Variants in TRPV2 observed in about 807,000 individuals in gnomAD.
The protein encoded by TRPV2 is OTRPC2.
A neutral mutation model predicts 91.0 loss-of-function variants in TRPV2; 58 were observed. The observed-to-expected ratio is 0.64, with a 90% confidence interval of 0.52 to 0.79. TRPV2 has a LOEUF of 0.79. TRPV2 is among the 30% of genes least tolerant of loss of function. The pLI is 0.00. For synonymous variants in TRPV2, 417 were observed against 414.8 expected (o/e 1.01, Z -0.06); for missense variants, 807 against 969.6 (o/e 0.83, Z 2.23).
chr17:16,422,873 G>A lies in TRPV2; in HGVS notation c.609G>A (p.Gly203=), dbSNP rs1227582013. ...GCCGCTTCTTCCAGAAGGGCCAAGG[G>A]ACTTGCTTTTATTTCGGTGAGTGAG... The part of the protein sequence containing the change: ...ACGRFFQKGQ[G]TCFYFGELPL... The change falls in exon 4 of 15, where the codon GGG becomes GGA. Residue 203 remains glycine (G), a synonymous_variant. Transcript: ENST00000338560. 1 of 1,564,688 alleles carries A rather than the reference G, an allele frequency of 6.4e-7. No homozygotes were observed. Among genetic ancestry groups the A allele is most frequent in the African/African-American group, 1.4e-5 (1 of 73,678 alleles).
chr17:16,422,600 G>C lies in TRPV2; in HGVS notation c.336G>C (p.Glu112Asp), dbSNP rs1269239389. The C allele has an allele frequency of 6.2e-7, 1 of 1,612,154 alleles. No homozygotes were observed. Among genetic ancestry groups the C allele is most frequent in the Non-Finnish European group, 8.5e-7 (1 of 1,178,834 alleles). Residue 112 changes from glutamate to aspartate, a missense_variant and splice_region_variant, in exon 4 of 15, where the codon GAG (glutamate) becomes GAC (aspartate). Coordinates refer to ENST00000338560, the MANE Select transcript of TRPV2 (RefSeq NM_016113.5). Reference protein sequence around the residue: ...SKYLTDSEYTEGSTGKTCLMK... With the variant: ...SKYLTDSEYTDGSTGKTCLMK... ...CCTTCCCCTCCCTTCTTCCCACAGA[G>C]GGCTCCACAGGTAAGACGTGCCTGA...
intron 3 of TRPV2, among the ~76,000 whole-genome samples, chr17:16,421,900 C>G (rs969568152): frequency 6.6e-6 from 1 of 152,094 alleles, no homozygotes; most frequent in Non-Finnish European, 1.5e-5. Context: ...AGAGAGGCCA[C>G]GTGACTTGCC....
In TRPV2 at chr17:16,417,713, A is replaced by G; in HGVS notation, c.45A>G (p.Leu15=). 6.2e-7 allele frequency: 1 copy of G among 1,614,196 alleles called. No homozygotes were observed. The highest frequency in any genetic ancestry group is 2.2e-5 in the East Asian group (1 of 44,876). Residue 15 remains leucine (L), a synonymous_variant, in exon 2 of 15, where the codon TTA becomes TTG. Coordinates refer to ENST00000338560, the MANE Select transcript of TRPV2 (RefSeq NM_016113.5). The part of the protein sequence containing the change: ...SSSPVFRLET[L]DGGQEDGSEA... ...CTCCAGTTTTCAGGTTGGAGACATT[A>G]GATGGAGGCCAAGAAGATGGCTCTG... is the stretch of plus-strand genomic sequence containing the variant.
At chr17:16,424,063 C>G (rs2093371301) in intron 5 of TRPV2, among the ~76,000 whole-genome samples, 1 of 151,986 alleles carries the variant, frequency 6.6e-6, no homozygotes, top group Non-Finnish European at 1.5e-5. Context: ...GACCTCGGCT[C>G]ACCGCAACCT....
chr17:16,417,901 G>C, intron 2 of TRPV2, 33 bp downstream of exon 2: 1 of 1,597,260 alleles, frequency 6.3e-7, no homozygotes, highest in Non-Finnish European at 8.5e-7. Context: ...GGCAAAGGGG[G>C]CCCCCTGCCC....
intron 2 of TRPV2, among the ~76,000 whole-genome samples, chr17:16,419,668 A>C (rs989639487): frequency 6.6e-6 from 1 of 152,224 alleles, no homozygotes; most frequent in African/African-American, 2.4e-5. Flanking sequence ...GATTTTCTGC[A>C]TACTTTCTTT....
intron 13 of TRPV2, among the ~76,000 whole-genome samples, chr17:16,434,467 CAAAAAA>C (rs10634588): frequency 2.7e-5 from 3 of 109,764 alleles, no homozygotes; most frequent in Non-Finnish European, 5.3e-5. Flanking sequence ...GACTCCATCT[CAAAAAA>C]AAAAAAAAAA....
At position 16,426,124 on chromosome 17, in the gene TRPV2, A is replaced by T. The variant is rs776200844; in HGVS notation, c.950A>T (p.Glu317Val). 1 of 1,614,058 alleles carries T rather than the reference A, an allele frequency of 6.2e-7. No individual in the cohort carries two copies. The highest frequency in any genetic ancestry group is 8.5e-7 in the Non-Finnish European group (1 of 1,180,008). Residue 317 changes from glutamate (E) to valine (V), a missense_variant, in exon 6 of 15, where the codon GAG becomes GTG. By Grantham distance (121) the Glu-to-Val change is moderately radical. Coordinates refer to ENST00000338560, the MANE Select transcript of TRPV2 (RefSeq NM_016113.5). The surrounding 1 kb of genome is among the most constrained non-coding windows in gnomAD (Gnocchi z 6.0). The stretch of plus-strand genomic sequence containing the variant: ...ATTTTCAGGCACATCCTGCAGCGGG[A>T]GTTTTCAGGACTGAGCCACCTTTCC... ...IEIFRHILQREFSGLSHLSRK... is the reference protein window; with the variant it reads ...IEIFRHILQRVFSGLSHLSRK...
intron 2 of TRPV2, 117 bp downstream of exon 2, chr17:16,417,985 G>A (rs2142973511): frequency 9.5e-7 from 1 of 1,048,332 alleles, no homozygotes; most frequent in Non-Finnish European, 1.4e-6. Flanking sequence ...AGCCTGTGGA[G>A]TCCTCAGTCT....
chr17:16,436,328 A>C (rs1033901461), intron 14 of TRPV2, among the ~76,000 whole-genome samples: 1 of 152,102 alleles, frequency 6.6e-6, no homozygotes, highest in African/African-American at 2.4e-5. Context: ...TCAGGGCCCA[A>C]AGCTGTCTAA....
At chr17:16,427,974 G>A (rs1215525513) in intron 8 of TRPV2, among the ~76,000 whole-genome samples, 1 of 152,178 alleles carries the variant, frequency 6.6e-6, no homozygotes, top group Non-Finnish European at 1.5e-5. Flanking sequence ...CCAAGACATT[G>A]GGACCTCCGC....
In TRPV2 at chr17:16,431,799, C is replaced by T; in HGVS notation, c.1603C>T (p.Leu535=). ...VMIQKVILRD[L]LRFLLIYLVF... is the part of the protein sequence containing the mutation. The stretch of plus-strand genomic sequence containing the variant: ...TGTGTTCCAGGTCATCCTGCGGGAC[C>T]TGCTGCGCTTCCTTCTGATCTACTT... The change falls in exon 11 of 15, where the codon CTG becomes TTG. Residue 535 remains leucine, a synonymous_variant. Transcript: ENST00000338560. The T allele has an allele frequency of 6.2e-7, 1 of 1,614,162 alleles. No individual in the cohort carries two copies. Among genetic ancestry groups the T allele is most frequent in the Non-Finnish European group, 8.5e-7 (1 of 1,180,024 alleles).
chr17:16,434,956 G>T lies in TRPV2; in HGVS notation c.2181G>T (p.Gly727=), dbSNP rs1404142935. Residue 727 remains glycine (G), a synonymous_variant, in exon 14 of 15, where the codon GGG becomes GGT. Transcript: ENST00000338560. ...CTACGCTGTGTGAGGACCCGTCAGG[G>T]GCAGGTGTCCCTCGTGAGTAGCCTG... The part of the protein sequence containing the change: ...TLPTLCEDPS[G]AGVPRTLENP... 6.2e-7 allele frequency: 1 copy of T among 1,610,592 alleles called. No individual in the cohort carries two copies. The highest frequency in any genetic ancestry group is 2.2e-5 in the East Asian group (1 of 44,608).
chr17:16,431,216 T>A (rs1349730123), intron 10 of TRPV2, among the ~76,000 whole-genome samples: 1 of 141,658 alleles, frequency 7.1e-6, no homozygotes. Flanking sequence ...CATGCCCAGC[T>A]ACTGGAAAGT....
chr17:16,426,839 T>C lies in TRPV2; in HGVS notation c.1213T>C (p.Phe405Leu). ...FLCNLIYMFI[F>L]TAVAYHQPTL... ...GTGTAATCTGATCTACATGTTCATC[T>C]TCACCGCTGTTGCCTACCATCAGCC... The change falls in exon 7 of 15, where the codon TTC (phenylalanine) becomes CTC (leucine). Residue 405 changes from phenylalanine (F) to leucine (L), a missense_variant. Transcript: ENST00000338560. This position sits in a 1 kb window ranked among gnomAD's most constrained non-coding sequence, Gnocchi z 6.0. 2 of 1,613,874 alleles carry C rather than the reference T, an allele frequency of 1.2e-6. No individual in the cohort carries two copies. The highest frequency in any genetic ancestry group is 1.1e-5 in the South Asian group (1 of 91,066).
At chr17:16,420,942 A>C (rs577740636) in intron 3 of TRPV2, among the ~76,000 whole-genome samples, 1 of 152,252 alleles carries the variant, frequency 6.6e-6, no homozygotes, top group East Asian at 1.9e-4. Context: ...ATACATCAGT[A>C]TATATTTACA....
chr17:16,431,977 C>A lies in TRPV2; in HGVS notation c.1666C>A (p.Leu556Met). ...CCTTCATCCCATAGCCCTGGTGAGC[C>A]TGAGCCAGGAGGCTTGGCGCCCCGA... is the stretch of plus-strand genomic sequence containing the variant. ...LFGFAVALVSLSQEAWRPEAP... is the reference protein window; with the variant it reads ...LFGFAVALVSMSQEAWRPEAP... The change falls in exon 12 of 15, where the codon CTG becomes ATG. Residue 556 changes from leucine (L) to methionine (M), a missense_variant. By Grantham distance (15) the Leu-to-Met change is conservative (BLOSUM62 2). Transcript: ENST00000338560. 6.2e-7 allele frequency: 1 copy of A among 1,604,774 alleles called. No individual in the cohort carries two copies. Among genetic ancestry groups the A allele is most frequent in the Non-Finnish European group, 8.5e-7 (1 of 1,173,642 alleles).
At chr17:16,432,916 CTG>C (rs1234765212) in intron 12 of TRPV2, among the ~76,000 whole-genome samples, 1 of 152,040 alleles carries the variant, frequency 6.6e-6, no homozygotes, top group African/African-American at 2.4e-5. Flanking sequence ...AGCGATTCTC[CTG>C]CCTCAGCCTC....
Position 16,426,313 on chromosome 17 carries a change from G to C in TRPV2, c.1095+44G>C. On this transcript the variant is annotated intron_variant, in intron 6 of 14. Transcript: ENST00000338560. The surrounding 1 kb of genome is among the most constrained non-coding windows in gnomAD (Gnocchi z 6.0). ...GGGTGCACGCAGAGGACCCAGCAGA[G>C]TTTCCAGCAAGGTCCACAAATTGGG... is the stretch of plus-strand genomic sequence containing the variant. The C allele has an allele frequency of 6.2e-7, 1 of 1,604,680 alleles. No individual in the cohort carries two copies. The highest frequency in any genetic ancestry group is 1.8e-4 in the Middle Eastern group (1 of 5,552).
Sources: allele counts gnomAD v4.1 joint callset (sites outside exome capture counted in the v4.1 genomes callset), GRCh38; gene constraint gnomAD v4.1.1; non-coding constraint Gnocchi (gnomAD v3.1); transcripts MANE v1.5; gene names NCBI Gene and HGNC (gene_info 2026-07-23, HGNC 2026-07-21).